Variants in ANKMY1 observed in about 807,000 individuals in gnomAD.
ANKMY1 encodes the protein ankyrin repeat and MYND domain containing 1, also known as ankyrin repeat and MYND domain-containing protein 1.
In ANKMY1, 98 loss-of-function variants were observed where a neutral mutation model predicts 102.0. The ratio of observed to expected loss-of-function variants is 0.96; its 90% CI spans 0.82 to 1.14. The LOEUF is 1.14. ANKMY1 is among the 50% of genes most tolerant of loss of function. The pLI, the probability that ANKMY1 is intolerant of heterozygous loss-of-function variation, is 0.00. For missense variants in ANKMY1, 1,330 were observed against 1,347.6 expected, an observed-to-expected ratio of 0.99 and a Z score of 0.20; for synonymous variants, 582 against 559.9, an observed-to-expected ratio of 1.04 and a Z score of -0.56.
At chr2:240,540,055 G>A (rs933622120) in intron 4 of ANKMY1, among the ~76,000 whole-genome samples, 4 of 152,224 alleles carry the variant, frequency 2.6e-5, no homozygotes, top group Non-Finnish European at 5.9e-5. Flanking sequence ...ACACCTGCAG[G>A]CCATCAATCT....
At position 240,524,255 on chromosome 2, in the gene ANKMY1, G is replaced by A; in HGVS notation, c.1462C>T (p.Pro488Ser). 1 of 1,613,896 alleles carries A rather than the reference G, an allele frequency of 6.2e-7. No individual in the cohort carries two copies. Among genetic ancestry groups the A allele is most frequent in the Non-Finnish European group, 8.5e-7 (1 of 1,180,042 alleles). The change falls in exon 8 of 18, where the codon CCA becomes TCA. Residue 488 changes from proline (P) to serine (S), a missense_variant. Transcript: ENST00000401804. Reference sequence around the variant, plus strand: ...CCTGAGACGCGTGGCAGGAGCAGTGGTGCTGGCGGTGGCCTCAGCTCATAG... The same window carrying A: ...CCTGAGACGCGTGGCAGGAGCAGTGATGCTGGCGGTGGCCTCAGCTCATAG... ...GSYELRPPPA[P>S]LLLPRVSGSH...
chr2:240,483,166 T>A (rs1376222692), intron 15 of ANKMY1, among the ~76,000 whole-genome samples: 2 of 152,168 alleles, frequency 1.3e-5, no homozygotes, highest in African/African-American at 4.8e-5. Context: ...CGAATTTTTT[T>A]TTTTCTTTTT....
At chr2:240,498,188 G>A (rs566927953) in intron 15 of ANKMY1, among the ~76,000 whole-genome samples, 1 of 151,106 alleles carries the variant, frequency 6.6e-6, no homozygotes, top group Admixed American at 6.6e-5. Flanking sequence ...GTTTGTGTTG[G>A]GGGGGGACAT....
chr2:240,553,604 G>A (rs956038690), intron 3 of ANKMY1: 2 of 153,630 alleles, frequency 1.3e-5, no homozygotes, highest in African/African-American at 4.8e-5. Context: ...GAAAAAGAAT[G>A]TGACATTTGG....
At chr2:240,515,748 C>T (rs567965447) in intron 9 of ANKMY1, among the ~76,000 whole-genome samples, 2 of 152,066 alleles carry the variant, frequency 1.3e-5, no homozygotes, top group South Asian at 4.2e-4. Flanking sequence ...GACTTAGTCT[C>T]ACACCATTGC....
rs2083214513 is a variant in ANKMY1, at chr2:240,525,676, G to A, written c.1335+9C>T. The A allele has an allele frequency of 6.2e-7, 1 of 1,613,474 alleles. No homozygotes were observed. The highest frequency in any genetic ancestry group is 8.5e-7 in the Non-Finnish European group (1 of 1,179,678). On this transcript the variant is annotated intron_variant, in intron 7 of 17. Coordinates refer to ENST00000401804, the MANE Select transcript of ANKMY1 (RefSeq NM_001282771.3). ...CAGTTGGTGGTGCAGTGGCCACCGG[G>A]GGGCTTACCTGGGGCTCAGGTATGG...
At chr2:240,561,059 C>G, upstream of ANKMY1, 4 of 1,497,592 alleles carry the variant, frequency 2.7e-6, no homozygotes, top group Non-Finnish European at 3.5e-6. Context: ...GCGGCCTCAG[C>G]CTGGCGAAGG....
In ANKMY1 at chr2:240,512,944, T is replaced by G; in HGVS notation, c.2005-2A>C. The G allele has an allele frequency of 2.5e-6, 4 of 1,611,096 alleles. No homozygotes were observed. Among genetic ancestry groups the G allele is most frequent in the African/African-American group, 2.7e-5 (2 of 74,952 alleles). ...GTGGAGTGGTGTCAGGGTGCTCAGC[T>G]GCAGAGGAAACACCGGGGCGGGCAG... On this transcript the variant is annotated splice_acceptor_variant, in intron 9 of 17. Transcript: ENST00000401804. LOFTEE classifies it high-confidence loss of function.
intron 4 of ANKMY1, among the ~76,000 whole-genome samples, chr2:240,537,937 C>T (rs1238186927): frequency 6.6e-6 from 1 of 152,248 alleles, no homozygotes; most frequent in Non-Finnish European, 1.5e-5. Context: ...CTTCTCTTTT[C>T]TGTATTTCAC....
At chr2:240,491,635 G>A (rs566971857) in intron 15 of ANKMY1, among the ~76,000 whole-genome samples, 19 of 152,230 alleles carry the variant, frequency 1.2e-4, no homozygotes, top group African/African-American at 4.1e-4. Context: ...TTGTTTGTCC[G>A]GGGTGACTTT....
rs576326621 is a variant in ANKMY1, at chr2:240,540,158, C to T, written c.481-10649G>A. 1.1e-4 allele frequency among the ~76,000 whole-genome samples: 16 copies of T among 152,338 alleles called. No homozygotes were observed. In the South Asian group the frequency reaches 3.3e-3, roughly 32 times the overall value. Reference sequence around the variant, plus strand: ...ACTGTAAATTACAGAGTCCCTGAATCCACCTATAACCTGTAAGCCTCCTCT... The same window carrying T: ...ACTGTAAATTACAGAGTCCCTGAATTCACCTATAACCTGTAAGCCTCCTCT... On this transcript the variant is annotated intron_variant, in intron 4 of 17. Transcript: ENST00000401804.
At chr2:240,511,455 A>G (rs1474157138) in intron 11 of ANKMY1, among the ~76,000 whole-genome samples, 2 of 152,186 alleles carry the variant, frequency 1.3e-5, no homozygotes, top group Admixed American at 6.5e-5. Context: ...CGAGGCAGGC[A>G]GGAGGCAGCG....
At chr2:240,557,691 C>A (rs918920878) in intron 1 of ANKMY1, among the ~76,000 whole-genome samples, 190 bp downstream of exon 1, 5 of 152,200 alleles carry the variant, frequency 3.3e-5, no homozygotes, top group African/African-American at 1.2e-4. Flanking sequence ...GTCTCAGCCA[C>A]GGGCCTCTGA....
At chr2:240,558,686 G>A (rs1423325910), upstream of ANKMY1, 1 of 152,196 alleles carries the variant, frequency 6.6e-6, no homozygotes, top group African/African-American at 2.4e-5. Context: ...CTGCCTCTGA[G>A]AACAGGGCAG....
At chr2:240,531,514 T>C (rs1467351348) in intron 4 of ANKMY1, among the ~76,000 whole-genome samples, 1 of 152,240 alleles carries the variant, frequency 6.6e-6, no homozygotes, top group Non-Finnish European at 1.5e-5. Context: ...AATAAAAATT[T>C]TGTGTTATAT....
intron 4 of ANKMY1, among the ~76,000 whole-genome samples, chr2:240,530,330 G>A (rs2085027613): frequency 6.6e-6 from 1 of 152,192 alleles, no homozygotes; most frequent in African/African-American, 2.4e-5. Context: ...TGTTGCAGTG[G>A]GGCCTGGTGG....
intron 9 of ANKMY1, among the ~76,000 whole-genome samples, chr2:240,516,790 A>T (rs1284954309): frequency 6.6e-6 from 1 of 152,236 alleles, no homozygotes; most frequent in Non-Finnish European, 1.5e-5. Flanking sequence ...CCAGGACTCT[A>T]ACTAAAAAGC....
chr2:240,501,547 G>A (rs1015961063), intron 13 of ANKMY1, among the ~76,000 whole-genome samples: 7 of 152,308 alleles, frequency 4.6e-5, no homozygotes, highest in Middle Eastern at 3.4e-3. Context: ...GTGTGCGTGT[G>A]TGCCTTGCTA....
At position 240,524,151 on chromosome 2, in the gene ANKMY1, C is replaced by CG; in HGVS notation, c.1565_1566insC (p.Asp523GlyfsTer17). 1 of 1,614,036 alleles carries CG rather than the reference C, an allele frequency of 6.2e-7. No individual in the cohort carries two copies. Among genetic ancestry groups the CG allele is most frequent in the Non-Finnish European group, 8.5e-7 (1 of 1,180,034 alleles). On this transcript the variant is annotated frameshift_variant, in exon 8 of 18. Transcript: ENST00000401804. LOFTEE classifies it high-confidence loss of function. ...GGCTGCCCTTCACCAACGGGGAGTC[C>CG]CCCTTCAGAGAGCTGCTCCTGTGGT...
Sources: gnomAD v4.1 joint callset for allele counts (sites outside exome capture counted in the v4.1 genomes callset) on GRCh38, gnomAD v4.1.1 for gene constraint, MANE v1.5 for transcripts, NCBI Gene and HGNC (gene_info 2026-07-23, HGNC 2026-07-21) for gene names.